The following SLCO3A1 variants were observed in gnomAD, a reference collection of about 807,000 sequenced individuals.
The protein encoded by SLCO3A1 is solute carrier organic anion transporter family member 3A1.
Under a neutral mutation model 63.1 loss-of-function variants are expected in SLCO3A1, and 27 were observed. The observed-to-expected ratio is 0.43, with a 90% confidence interval of 0.32 to 0.59. SLCO3A1 has a LOEUF of 0.59. Among genes scored for constraint, SLCO3A1 ranks in the 20% least tolerant of loss-of-function variants. SLCO3A1 has a pLI of 0.09. For missense variants in SLCO3A1, 773 were observed against 945.8 expected, an observed-to-expected ratio of 0.82 and a Z score of 2.40; for synonymous variants, 473 against 409.9, an observed-to-expected ratio of 1.15 and a Z score of -1.86.
chr15:91,972,465 G>C (rs745887408), intron 2 of SLCO3A1, among the ~76,000 whole-genome samples: 11 of 152,186 alleles, frequency 7.2e-5, no homozygotes, highest in African/African-American at 2.7e-4. Context: ...CATGCCATCT[G>C]TGAACCAGAA....
chr15:92,122,684 C>T (rs1489237953), intron 5 of SLCO3A1, among the ~76,000 whole-genome samples: 1 of 152,208 alleles, frequency 6.6e-6, no homozygotes, highest in Admixed American at 6.5e-5. Flanking sequence ...TTTATGTTCA[C>T]TCATTTACAT....
At chr15:92,052,116 C>T (rs1300194905) in intron 2 of SLCO3A1, among the ~76,000 whole-genome samples, 1 of 152,120 alleles carries the variant, frequency 6.6e-6, no homozygotes, top group Non-Finnish European at 1.5e-5. Context: ...ATCCCCAACC[C>T]CTCCTTGCCC....
chr15:92,129,869 A>T (rs1457375889), intron 7 of SLCO3A1, among the ~76,000 whole-genome samples: 1 of 145,228 alleles, frequency 6.9e-6, no homozygotes, highest in African/African-American at 2.6e-5. Flanking sequence ...AAAATAAATC[A>T]CCATGGGGGG....
chr15:92,131,849 G>A (rs2048000962), intron 7 of SLCO3A1, among the ~76,000 whole-genome samples: 1 of 145,858 alleles, frequency 6.9e-6, no homozygotes, highest in Non-Finnish European at 1.5e-5. Context: ...CTTCCTCCAG[G>A]GCTGTGTTAG....
rs11320738 is a variant in SLCO3A1, at chr15:91,986,772, GT to G, written c.646+70316del. Among the ~76,000 whole-genome samples, 990 of 152,284 alleles carry G rather than the reference GT, an allele frequency of 6.5e-3. 13 individuals carry two copies. Among genetic ancestry groups the G allele is most frequent in the African/African-American group, 0.023 (952 of 41,562 alleles). On this transcript the variant is annotated intron_variant, in intron 2 of 9. Coordinates refer to ENST00000318445, the MANE Select transcript of SLCO3A1 (RefSeq NM_013272.4). Reference sequence around the variant, plus strand: ...TCTCCATAGCTATTTAATATGAACTGTTGCTTTTTCATAGTTTTGATTTTGT... The same window carrying G: ...TCTCCATAGCTATTTAATATGAACTGTGCTTTTTCATAGTTTTGATTTTGT...
At chr15:92,069,821 C>T (rs1045454668) in intron 2 of SLCO3A1, among the ~76,000 whole-genome samples, 1 of 152,200 alleles carries the variant, frequency 6.6e-6, no homozygotes, top group East Asian at 1.9e-4. Flanking sequence ...GGAGCTGTGG[C>T]TGAGAACCCA....
intron 2 of SLCO3A1, among the ~76,000 whole-genome samples, chr15:92,043,706 T>C (rs892213725): frequency 5.3e-5 from 8 of 152,258 alleles, no homozygotes; most frequent in African/African-American, 1.7e-4. Context: ...TCATCCATTT[T>C]CTTTATTTCC....
At chr15:91,994,973 C>G (rs1318571684) in intron 2 of SLCO3A1, among the ~76,000 whole-genome samples, 2 of 152,222 alleles carry the variant, frequency 1.3e-5, no homozygotes, top group African/African-American at 2.4e-5. Flanking sequence ...GGACCCTGCC[C>G]TCATTCCCAC....
chr15:92,066,358 C>T (rs531658409), intron 2 of SLCO3A1, among the ~76,000 whole-genome samples: 3 of 152,322 alleles, frequency 2.0e-5, no homozygotes, highest in Admixed American at 6.5e-5. Context: ...TCTCAAAAAT[C>T]GGAGAAAATT....
At chr15:92,152,434 T>G (rs2151594622) in intron 9 of SLCO3A1, among the ~76,000 whole-genome samples, 1 of 152,378 alleles carries the variant, frequency 6.6e-6, no homozygotes, top group Non-Finnish European at 1.5e-5. Context: ...CAAATGGCAT[T>G]GTCCTAAGTC....
Position 91,854,016 on chromosome 15 carries a change from T to C in SLCO3A1, c.108T>C (p.Phe36=). 1 of 1,545,828 alleles carries C rather than the reference T, an allele frequency of 6.5e-7. No homozygotes were observed. Among genetic ancestry groups the C allele is most frequent in the African/African-American group, 1.4e-5 (1 of 70,372 alleles). The change falls in exon 1 of 10, where the codon TTT becomes TTC. Residue 36 remains phenylalanine, a synonymous_variant. Coordinates refer to ENST00000318445, the MANE Select transcript of SLCO3A1 (RefSeq NM_013272.4). The surrounding 1 kb of genome is among the most constrained non-coding windows in gnomAD (Gnocchi z 6.4). ...NKKKKKKVSC[F]SNIKIFLVSE... ...AAAAGAAAAAGAAGGTGTCCTGCTT[T>C]TCCAACATCAAGATCTTCCTGGTGT... is the stretch of plus-strand genomic sequence containing the variant.
rs958277111 is a variant in SLCO3A1, at chr15:91,968,083, A to G, written c.646+51625A>G. Among the ~76,000 whole-genome samples, 8 of 152,132 alleles carry G rather than the reference A, an allele frequency of 5.3e-5. No homozygotes were observed. The highest frequency in any genetic ancestry group is 1.2e-4 in the Non-Finnish European group (8 of 68,036). ...AGAGTCCCCTGCCTAGTCGCCCTGGAAAGTACCCAGGGAAGCCACTTACGG... is the reference window on the plus strand; with the variant it reads ...AGAGTCCCCTGCCTAGTCGCCCTGGGAAGTACCCAGGGAAGCCACTTACGG... On this transcript the variant is annotated intron_variant, in intron 2 of 9. Transcript: ENST00000318445. The surrounding 1 kb of genome is among the most constrained non-coding windows in gnomAD (Gnocchi z 4.2).
chr15:92,130,508 G>A (rs1475698874), intron 7 of SLCO3A1, among the ~76,000 whole-genome samples: 1 of 152,214 alleles, frequency 6.6e-6, no homozygotes, highest in African/African-American at 2.4e-5. Flanking sequence ...ATCTCTAGAT[G>A]CCCTGGCTTC....
rs968181843 is a variant in SLCO3A1 at position 91,882,664 on chromosome 15, GCAC to G, written c.180+28586_180+28588del. On this transcript the variant is annotated intron_variant, in intron 1 of 9. Transcript: ENST00000318445. This position sits in a 1 kb window ranked among gnomAD's most constrained non-coding sequence, Gnocchi z 4.4. Reference sequence around the variant, plus strand: ...CGAGTAGCTGGGACCACAGGCGTATGCACCACCACCACGTCCAGCTAACTTTTT... The same window carrying G: ...CGAGTAGCTGGGACCACAGGCGTATGCACCACCACGTCCAGCTAACTTTTT... Among the ~76,000 whole-genome samples, 2 of 152,108 alleles carry G rather than the reference GCAC, an allele frequency of 1.3e-5. No individual in the cohort carries two copies. Among genetic ancestry groups the G allele is most frequent in the Non-Finnish European group, 2.9e-5 (2 of 68,014 alleles).
At chr15:92,089,797 C>A in intron 2 of SLCO3A1, among the ~76,000 whole-genome samples, 1 of 152,232 alleles carries the variant, frequency 6.6e-6, no homozygotes. Context: ...TAGTGTATAC[C>A]TAGACTAATC....
At position 92,104,301 on chromosome 15, in the gene SLCO3A1, C is replaced by T. The variant is rs77093002; in HGVS notation, c.768C>T (p.Asp256=). Residue 256 remains aspartate (D), a synonymous_variant, in exon 4 of 10, where the codon GAC becomes GAT. Coordinates refer to ENST00000318445, the MANE Select transcript of SLCO3A1 (RefSeq NM_013272.4). ...IDTSNLDITP[D]DPRWIGAWWG... ...CAGGTAACCTGGACATCACTCCGGA[C>T]GACCCCCGCTGGATCGGAGCCTGGT... 9.3e-4 allele frequency: 1,499 copies of T among 1,614,140 alleles called. 15 individuals are homozygous for T. The African/African-American group carries it at 0.015, about 17-fold the overall frequency.
rs116524491 is a variant in SLCO3A1, at chr15:92,155,106, G to C, written c.1753+4092G>C. 2.3e-3 allele frequency: 346 copies of C among 152,244 alleles called. 1 individual carries two copies. The highest frequency in any genetic ancestry group is 8.2e-3 in the African/African-American group (339 of 41,516). The allele number at this position is 152,244 out of a possible 1,614,324, so 9.4% of individuals were successfully genotyped here. A position where few individuals can be genotyped will look rare whatever the true frequency, so the allele number is the denominator to read the frequency against. ...GGAGGAAGACACTGAGCTGGAGAAG[G>C]GTCAGTGAATTCAGAGTAAACTGAA... is the stretch of plus-strand genomic sequence containing the variant. On this transcript the variant is annotated intron_variant, in intron 9 of 9. Transcript: ENST00000318445.
At chr15:91,929,819 G>A (rs546274440) in intron 2 of SLCO3A1, among the ~76,000 whole-genome samples, 134 of 152,190 alleles carry the variant, frequency 8.8e-4, no homozygotes, top group Middle Eastern at 6.8e-3. Flanking sequence ...TTTATTTCAC[G>A]TAGCAGGTTG....
intron 2 of SLCO3A1, among the ~76,000 whole-genome samples, chr15:92,028,113 T>C (rs756429134): frequency 1.3e-5 from 2 of 152,182 alleles, no homozygotes; most frequent in South Asian, 2.1e-4. Context: ...CTGAGCACCA[T>C]GTGGGAAACA....
Sources: gnomAD v4.1 joint callset for allele counts (sites outside exome capture counted in the v4.1 genomes callset) on GRCh38, gnomAD v4.1.1 for gene constraint, Gnocchi (gnomAD v3.1) non-coding constraint, MANE v1.5 for transcripts, NCBI Gene and HGNC (gene_info 2026-07-23, HGNC 2026-07-21) for gene names.